Variants in ARHGAP24 observed in about 807,000 individuals in gnomAD.
ARHGAP24 encodes the protein rho GTPase-activating protein 24.
Under a neutral mutation model 76.4 loss-of-function variants are expected in ARHGAP24, and 50 were observed. The ratio of observed to expected loss-of-function variants is 0.65; its 90% CI spans 0.52 to 0.83. The LOEUF is 0.83. Among genes scored for constraint, ARHGAP24 ranks in the 40% least tolerant of loss-of-function variants. The pLI is 0.00. For missense variants in ARHGAP24, 930 were observed against 914.2 expected (o/e 1.02, Z -0.22); for synonymous variants, 345 against 323.3 (o/e 1.07, Z -0.72).
intron 3 of ARHGAP24, among the ~76,000 whole-genome samples, chr4:85,747,708 A>AAAACAAACAAAC (rs10653867): frequency 4.1e-4 from 62 of 150,750 alleles, no homozygotes; most frequent in African/African-American, 1.2e-3. Flanking sequence ...GTCTAAAACA[A>AAAACAAACAAAC]AAACAAACAA....
intron 3 of ARHGAP24, among the ~76,000 whole-genome samples, chr4:85,726,250 C>A (rs1195297535): frequency 1.3e-5 from 2 of 151,914 alleles, no homozygotes; most frequent in African/African-American, 4.8e-5. Context: ...GGGGGGTGGA[C>A]CTTAGCTGCA....
intron 5 of ARHGAP24, among the ~76,000 whole-genome samples, chr4:85,947,657 G>T (rs948148969): frequency 6.6e-6 from 1 of 152,126 alleles, no homozygotes. Context: ...AAGCAATTTG[G>T]TAATATATTT....
intron 4 of ARHGAP24, among the ~76,000 whole-genome samples, chr4:85,928,080 G>A (rs1028780544): frequency 6.6e-6 from 1 of 152,318 alleles, no homozygotes; most frequent in South Asian, 2.1e-4. Context: ...TCAACTTTGT[G>A]CTACCTGCTG....
chr4:85,509,332 A>G (rs1001377618), intron 1 of ARHGAP24, among the ~76,000 whole-genome samples: 18 of 152,042 alleles, frequency 1.2e-4, no homozygotes, highest in African/African-American at 3.9e-4. Flanking sequence ...GTACCCTAAA[A>G]CTTAAAGTAT....
chr4:85,489,596 A>G lies in ARHGAP24; in HGVS notation c.-21+14037A>G, dbSNP rs77988191. Among the ~76,000 whole-genome samples the G allele has an allele frequency of 4.9e-3, 746 of 152,274 alleles. 5 individuals are homozygous for G. Among genetic ancestry groups the G allele is most frequent in the African/African-American group, 0.017 (705 of 41,550 alleles). ...GCAAGGTGAGCCCTTTGTGCAGCTGAGCTGTGGGGTGCCAGAGAATGCTGC... is the reference window on the plus strand; with the variant it reads ...GCAAGGTGAGCCCTTTGTGCAGCTGGGCTGTGGGGTGCCAGAGAATGCTGC... On this transcript the variant is annotated intron_variant, in intron 1 of 9. Coordinates refer to ENST00000395184, the MANE Select transcript of ARHGAP24 (RefSeq NM_001025616.3).
intron 2 of ARHGAP24, among the ~76,000 whole-genome samples, chr4:85,580,350 G>C (rs898756778): frequency 7.2e-5 from 11 of 152,094 alleles, no homozygotes; most frequent in African/African-American, 2.7e-4. Context: ...CTAATTTGTG[G>C]CTGTTGATGA....
In ARHGAP24 at chr4:85,986,364, G is replaced by A. The variant is rs528794998; in HGVS notation, c.929-8219G>A. Among the ~76,000 whole-genome samples, 9 of 152,192 alleles carry A rather than the reference G, an allele frequency of 5.9e-5. No homozygotes were observed. In the East Asian group the frequency reaches 1.7e-3, roughly 29 times the overall value. ...CCATCATGATGAAGGAATAGAGATT[G>A]TTCACATTTAACAACTAGAAAACCA... On this transcript the variant is annotated intron_variant, in intron 8 of 9. Transcript: ENST00000395184.
intron 2 of ARHGAP24, among the ~76,000 whole-genome samples, chr4:85,635,421 C>G (rs1721284199): frequency 6.6e-6 from 1 of 151,752 alleles, no homozygotes; most frequent in Non-Finnish European, 1.5e-5. Flanking sequence ...TGCACCTTAC[C>G]AAGATTTCCA....
chr4:86,000,059 G>T, intron 9 of ARHGAP24: 1 of 167,312 alleles, frequency 6.0e-6, no homozygotes, highest in Non-Finnish European at 1.3e-5. Flanking sequence ...TCCTTTTATA[G>T]AAGGCAAATG....
chr4:85,563,631 C>T (rs1343327355), intron 1 of ARHGAP24, among the ~76,000 whole-genome samples: 1 of 152,186 alleles, frequency 6.6e-6, no homozygotes, highest in Non-Finnish European at 1.5e-5. Context: ...GGGCACAAAA[C>T]ATTCAGTCCG....
intron 3 of ARHGAP24, among the ~76,000 whole-genome samples, chr4:85,743,490 C>T (rs572500945): frequency 1.3e-5 from 2 of 148,432 alleles, no homozygotes; most frequent in African/African-American, 5.0e-5. Context: ...ATCACTTGAG[C>T]CCAGAAGGCT....
At chr4:85,528,410 A>C (rs1449007688) in intron 1 of ARHGAP24, among the ~76,000 whole-genome samples, 1 of 152,098 alleles carries the variant, frequency 6.6e-6, no homozygotes, top group Non-Finnish European at 1.5e-5. Flanking sequence ...AAAAATTATG[A>C]GTAGGTATGT....
intron 2 of ARHGAP24, among the ~76,000 whole-genome samples, chr4:85,666,656 T>G (rs533391534): frequency 2.0e-5 from 3 of 152,140 alleles, no homozygotes; most frequent in Admixed American, 2.0e-4. Flanking sequence ...ATGATGGTGA[T>G]GTACAGATGG....
At chr4:85,778,263 T>A (rs1727380342) in intron 3 of ARHGAP24, among the ~76,000 whole-genome samples, 1 of 152,210 alleles carries the variant, frequency 6.6e-6, no homozygotes, top group African/African-American at 2.4e-5. Context: ...AGGGAAAGTT[T>A]CAATATTAAG....
At chr4:85,729,268 T>TCTATATACATGTAGAG (rs1725298912) in intron 3 of ARHGAP24, among the ~76,000 whole-genome samples, 1 of 152,184 alleles carries the variant, frequency 6.6e-6, no homozygotes, top group Non-Finnish European at 1.5e-5. Context: ...CACAAGTAGC[T>TCTATATACATGTAGAG]CTACATGAAC....
At position 85,852,381 on chromosome 4, in the gene ARHGAP24, G is replaced by A. The variant is rs529127194; in HGVS notation, c.269-71267G>A. Among the ~76,000 whole-genome samples, 60 of 152,194 alleles carry A rather than the reference G, an allele frequency of 3.9e-4. No homozygotes were observed. In the South Asian group the frequency reaches 7.7e-3, roughly 20 times the overall value. On this transcript the variant is annotated intron_variant, in intron 3 of 9. Transcript: ENST00000395184. ...TTTTCAAGGTTTTTAGCTTCCTTGC[G>A]GTGGGTTTGAATATCCTCCTTTAGC...
At chr4:85,518,294 T>G (rs1057446769) in intron 1 of ARHGAP24, among the ~76,000 whole-genome samples, 4 of 152,160 alleles carry the variant, frequency 2.6e-5, no homozygotes. Flanking sequence ...AAGAATGATT[T>G]GTTCCCAAGG....
At chr4:85,719,205 G>A (rs1400213513) in intron 2 of ARHGAP24, among the ~76,000 whole-genome samples, 1 of 152,094 alleles carries the variant, frequency 6.6e-6, no homozygotes, top group Non-Finnish European at 1.5e-5. Flanking sequence ...ATTACAATGA[G>A]TATCTTCAAA....
At chr4:85,849,385 A>G (rs1426747114) in intron 3 of ARHGAP24, among the ~76,000 whole-genome samples, 2 of 152,128 alleles carry the variant, frequency 1.3e-5, no homozygotes, top group East Asian at 1.9e-4. Flanking sequence ...CAATCATGTT[A>G]TCTGCAAACA....
Sources: gnomAD v4.1 joint callset for allele counts (sites outside exome capture counted in the v4.1 genomes callset) on GRCh38, gnomAD v4.1.1 for gene constraint, MANE v1.5 for transcripts, NCBI Gene and HGNC (gene_info 2026-07-23, HGNC 2026-07-21) for gene names.